The following TSGA10 variants were observed in gnomAD, a reference collection of about 807,000 sequenced individuals.
The protein encoded by TSGA10 is testis specific 10.
A neutral mutation model predicts 96.6 loss-of-function variants in TSGA10; 43 were observed. The ratio of observed to expected loss-of-function variants is 0.44; its 90% CI spans 0.35 to 0.57. The LOEUF is 0.57. TSGA10 is among the 20% of genes least tolerant of loss of function. The pLI, the probability that TSGA10 is intolerant of heterozygous loss-of-function variation, is 0.01. For missense variants in TSGA10, 703 were observed against 834.4 expected (o/e 0.84, Z 1.94); for synonymous variants, 229 against 269.9 (o/e 0.85, Z 1.48).
intron 20 of TSGA10, among the ~76,000 whole-genome samples, chr2:98,998,605 G>C (rs2077634391): frequency 6.6e-6 from 1 of 152,128 alleles, no homozygotes. Flanking sequence ...ACTATAAATA[G>C]GCATAATGAG....
chr2:99,009,588 A>G (rs1164413321), intron 20 of TSGA10, among the ~76,000 whole-genome samples: 2 of 150,828 alleles, frequency 1.3e-5, no homozygotes, highest in Non-Finnish European at 3.0e-5. Flanking sequence ...AAAAAAAAAA[A>G]AAAAAAAAAA....
intron 1 of TSGA10, among the ~76,000 whole-genome samples, chr2:99,140,763 A>C (rs371117949): frequency 2.6e-5 from 4 of 152,250 alleles, no homozygotes; most frequent in South Asian, 4.1e-4. Flanking sequence ...CCTCGGCTCC[A>C]CCAGAGCTTC....
intron 20 of TSGA10, among the ~76,000 whole-genome samples, chr2:99,007,609 C>T (rs2078618410): frequency 6.6e-6 from 1 of 151,970 alleles, no homozygotes; most frequent in African/African-American, 2.4e-5. Context: ...CTATATAAAG[C>T]AAAATTTAGA....
intron 17 of TSGA10, among the ~76,000 whole-genome samples, chr2:99,023,819 A>G (rs2080271655): frequency 6.6e-6 from 1 of 152,176 alleles, no homozygotes. Flanking sequence ...TTTTGAAATC[A>G]GGGAAGTGTG....
intron 2 of TSGA10, among the ~76,000 whole-genome samples, chr2:99,123,185 A>AT (rs1057330442): frequency 6.6e-6 from 1 of 152,010 alleles, no homozygotes; most frequent in East Asian, 1.9e-4. Context: ...TACTTTCAGG[A>AT]TTTTTTTAGT....
At chr2:99,100,819 C>CA (rs70940133) in intron 10 of TSGA10, among the ~76,000 whole-genome samples, 42,501 of 69,664 alleles carry the variant, frequency 0.61, 13,893 homozygotes, top group East Asian at 0.86. Flanking sequence ...GACTCCGTCT[C>CA]AAAAAAAAAA....
In TSGA10 at chr2:99,105,586, C is replaced by T; in HGVS notation, c.322G>A (p.Ala108Thr). Residue 108 changes from alanine to threonine, a missense_variant, in exon 8 of 21, where the codon GCC becomes ACC. By Grantham distance (58) the Ala-to-Thr change is moderately conservative. Around this residue, in one of 3 missense-constraint regions of TSGA10, gnomAD observed 585 missense variants for 656.8 expected, o/e 0.89. Coordinates refer to ENST00000393483, the MANE Select transcript of TSGA10 (RefSeq NM_025244.4). Reference sequence around the variant, plus strand: ...GTCATTCTTCGTAAATCAGTAAAGGCTACATCTCTTTCAGTCTCCACTCGC... The same window carrying T: ...GTCATTCTTCGTAAATCAGTAAAGGTTACATCTCTTTCAGTCTCCACTCGC... ...LRRVETERDV[A>T]FTDLRRMTTE... 2 of 1,611,796 alleles carry T rather than the reference C, an allele frequency of 1.2e-6. No homozygotes were observed. Among genetic ancestry groups the T allele is most frequent in the Middle Eastern group, 1.7e-4 (1 of 6,054 alleles).
intron 16 of TSGA10, among the ~76,000 whole-genome samples, chr2:99,044,157 G>C (rs536728555): frequency 2.9e-4 from 44 of 152,200 alleles, no homozygotes; most frequent in South Asian, 4.1e-4. Flanking sequence ...CATAATGACA[G>C]GATCGAATTC....
chr2:99,104,734 CA>C (rs1325551321), intron 9 of TSGA10, among the ~76,000 whole-genome samples: 1 of 152,136 alleles, frequency 6.6e-6, no homozygotes, highest in Non-Finnish European at 1.5e-5. Context: ...CTTGGCCTCC[CA>C]AAGTGCTGGG....
chr2:99,023,863 T>C (rs938839690), intron 17 of TSGA10, among the ~76,000 whole-genome samples: 1 of 152,170 alleles, frequency 6.6e-6, no homozygotes, highest in South Asian at 2.1e-4. Context: ...TTCAAGATTG[T>C]TTTGGCTATT....
At chr2:99,115,421 A>G (rs2092172954) in intron 4 of TSGA10, among the ~76,000 whole-genome samples, 1 of 152,222 alleles carries the variant, frequency 6.6e-6, no homozygotes, top group African/African-American at 2.4e-5. Context: ...AGCTACTTTT[A>G]AATATCCTTC....
At chr2:99,134,341 C>T (rs2093236330) in intron 1 of TSGA10, among the ~76,000 whole-genome samples, 1 of 152,192 alleles carries the variant, frequency 6.6e-6, no homozygotes, top group East Asian at 1.9e-4. Context: ...GATCTTCAAT[C>T]TCATAGCCTT....
chr2:99,135,627 C>T (rs1361255851), intron 1 of TSGA10, among the ~76,000 whole-genome samples: 2 of 152,190 alleles, frequency 1.3e-5, no homozygotes, highest in Non-Finnish European at 2.9e-5. Context: ...TATCCTAGTT[C>T]TGCCACATCT....
chr2:99,096,945 T>C (rs541200980), intron 10 of TSGA10, among the ~76,000 whole-genome samples: 3 of 152,298 alleles, frequency 2.0e-5, no homozygotes, highest in African/African-American at 2.4e-5. Flanking sequence ...CTGATATTAC[T>C]AAACTAAACC....
At position 99,021,681 on chromosome 2, in the gene TSGA10, C is replaced by T. The variant is rs551494181; in HGVS notation, c.1615-1199G>A. Among the ~76,000 whole-genome samples the T allele has an allele frequency of 1.5e-4, 23 of 152,278 alleles. No individual in the cohort carries two copies. The South Asian group carries it at 3.7e-3, about 25-fold the overall frequency. The stretch of plus-strand genomic sequence containing the variant: ...GTATCCCTGGCCTCTGCCCAATCAA[C>T]GCCACCAGCATTCCCCACTCTAGTC... On this transcript the variant is annotated intron_variant, in intron 17 of 20. Coordinates refer to ENST00000393483, the MANE Select transcript of TSGA10 (RefSeq NM_025244.4).
intron 20 of TSGA10, among the ~76,000 whole-genome samples, chr2:99,009,625 G>A (rs540523091): frequency 1.9e-4 from 28 of 150,800 alleles, no homozygotes; most frequent in South Asian, 1.7e-3. Flanking sequence ...TGGTGACATC[G>A]GTGAAGAAAT....
intron 14 of TSGA10, among the ~76,000 whole-genome samples, chr2:99,071,022 C>T (rs1362619047): frequency 2.6e-5 from 4 of 152,042 alleles, no homozygotes; most frequent in Non-Finnish European, 5.9e-5. Flanking sequence ...TTATGATTAA[C>T]AAAGTATTAC....
At chr2:99,013,885 C>A (rs1277267753) in intron 20 of TSGA10, among the ~76,000 whole-genome samples, 2 of 151,010 alleles carry the variant, frequency 1.3e-5, no homozygotes, top group Non-Finnish European at 3.0e-5. Context: ...GGGCGCAGTG[C>A]CTCATGCCTG....
At chr2:99,055,698 T>C (rs1262626148) in intron 16 of TSGA10, among the ~76,000 whole-genome samples, 1 of 150,084 alleles carries the variant, frequency 6.7e-6, no homozygotes, top group Non-Finnish European at 1.5e-5. Context: ...AAGAAAGAAA[T>C]TAACAAAACA....
Sources: gnomAD v4.1 joint callset for allele counts (sites outside exome capture counted in the v4.1 genomes callset) on GRCh38, gnomAD v4.1.1 for gene constraint, gnomAD v4.1.1 regional missense constraint, MANE v1.5 for transcripts, NCBI Gene and HGNC (gene_info 2026-07-23, HGNC 2026-07-21) for gene names.